The following TCF25 variants were observed in gnomAD, a reference collection of about 807,000 sequenced individuals.
The protein encoded by TCF25 is TCF25 ribosome quality control complex subunit, also known as ribosome quality control complex subunit TCF25.
TCF25 carries 41 observed loss-of-function variants against 83.1 expected under a neutral mutation model. That is an observed-to-expected ratio of 0.49 (90% CI 0.38 to 0.64). The LOEUF is 0.64. Ranked by LOEUF, TCF25 falls within the 30% of genes least tolerant of loss-of-function variation. TCF25 has a pLI of 0.00. For missense variants in TCF25, 979 were observed against 914.5 expected (o/e 1.07, Z -0.91); for synonymous variants, 458 against 365.0 (o/e 1.25, Z -2.90).
At chr16:89,892,351 C>T in intron 6 of TCF25, 76 bp downstream of exon 6, 4 of 1,504,986 alleles carry the variant, frequency 2.7e-6, no homozygotes, top group Non-Finnish European at 2.7e-6. Flanking sequence ...TACAGCAAAC[C>T]AGGTGAGGGT....
At chr16:89,905,601 C>A (rs914109320) in intron 14 of TCF25, among the ~76,000 whole-genome samples, 8 of 152,314 alleles carry the variant, frequency 5.3e-5, no homozygotes, top group East Asian at 3.9e-4. Flanking sequence ...AGTGGTGTGG[C>A]CAGGCTCAGG....
At chr16:89,885,751 T>C in intron 3 of TCF25, 97 bp from the exon 4 acceptor site, 1 of 973,534 alleles carries the variant, frequency 1.0e-6, no homozygotes, top group Non-Finnish European at 1.6e-6. Context: ...GTAAATACAG[T>C]GTAATAGGTC....
chr16:89,905,004 G>A lies in TCF25; in HGVS notation c.1536G>A (p.Glu512=). 1.2e-6 allele frequency: 2 copies of A among 1,606,026 alleles called. No homozygotes were observed. Among genetic ancestry groups the A allele is most frequent in the Non-Finnish European group, 1.7e-6 (2 of 1,176,720 alleles). Reference sequence around the variant, plus strand: ...GGAGGTCACACTTTCTCTGGAAAGAGCCCGCCACCATGAGCTGGCTGGAGG... The same window carrying A: ...GGAGGTCACACTTTCTCTGGAAAGAACCCGCCACCATGAGCTGGCTGGAGG... ...YLGRSHFLWK[E]PATMSWLEEN... The change falls in exon 14 of 18, where the codon GAG becomes GAA. Residue 512 remains glutamate (E), a synonymous_variant. Transcript: ENST00000263346.
chr16:89,902,512 A>G (rs975029895), intron 12 of TCF25, among the ~76,000 whole-genome samples: 2 of 139,716 alleles, frequency 1.4e-5, no homozygotes, highest in African/African-American at 5.2e-5. Context: ...ACACGGTGAA[A>G]CCACGTCTCT....
intron 16 of TCF25, among the ~76,000 whole-genome samples, chr16:89,908,525 C>A (rs2045207567): frequency 7.2e-6 from 1 of 138,516 alleles, no homozygotes; most frequent in Non-Finnish European, 1.6e-5. Flanking sequence ...CTTCCAGCTC[C>A]CACCTCCCAG....
chr16:89,882,435 G>A (rs935096323), intron 1 of TCF25, among the ~76,000 whole-genome samples: 2 of 152,168 alleles, frequency 1.3e-5, no homozygotes, highest in African/African-American at 2.4e-5. Context: ...CTACTTGGGA[G>A]GCTGAGGCAG....
chr16:89,882,589 T>C (rs998091334), intron 1 of TCF25, among the ~76,000 whole-genome samples: 1 of 152,092 alleles, frequency 6.6e-6, no homozygotes, highest in East Asian at 1.9e-4. Context: ...CGTATGTCAT[T>C]TTGTTTTTCT....
chr16:89,880,166 C>T (rs12929899), intron 1 of TCF25, among the ~76,000 whole-genome samples: 4 of 130,582 alleles, frequency 3.1e-5, no homozygotes, highest in Admixed American at 7.2e-5. Context: ...GCGTGCTGTC[C>T]GTGTACACAG....
chr16:89,901,875 T>C lies in TCF25; in HGVS notation c.1381+1081T>C, dbSNP rs368445186. ...GTGAGGGTGAAATCCCTCCTTAAGA[T>C]GGGCCTCCTCCGAGGGGCTGTGAGG... On this transcript the variant is annotated intron_variant, in intron 12 of 17. Coordinates refer to ENST00000263346, the MANE Select transcript of TCF25 (RefSeq NM_014972.3). Among the ~76,000 whole-genome samples, 9 of 16,972 alleles carry C rather than the reference T, an allele frequency of 5.3e-4. 1 individual carries two copies. The highest frequency in any genetic ancestry group is 9.4e-4 in the Admixed American group (2 of 2,122). 11.1% of individuals were successfully genotyped at this position (16,972 alleles called of 152,430 possible). A position where few individuals can be genotyped will look rare whatever the true frequency, so the allele number is the denominator to read the frequency against.
At chr16:89,906,855 A>T (rs546296150) in intron 15 of TCF25, among the ~76,000 whole-genome samples, 15 of 152,070 alleles carry the variant, frequency 9.9e-5, no homozygotes, top group Non-Finnish European at 1.9e-4. Context: ...GTAGAGTGGC[A>T]GCACGTGGCA....
intron 9 of TCF25, among the ~76,000 whole-genome samples, chr16:89,897,511 C>A (rs1234942240): frequency 6.6e-6 from 1 of 152,266 alleles, no homozygotes; most frequent in East Asian, 1.9e-4. Flanking sequence ...CCGTTCTGCA[C>A]AGATTGTCTG....
intron 11 of TCF25, 72 bp from the exon 12 acceptor site, chr16:89,900,563 G>A: frequency 1.3e-6 from 2 of 1,491,416 alleles, no homozygotes; most frequent in South Asian, 2.7e-5. Flanking sequence ...GGTGATGTCA[G>A]AGCGTCTGCA....
At chr16:89,907,661 A>T (rs1435293705) in intron 16 of TCF25, among the ~76,000 whole-genome samples, 10 of 49,378 alleles carry the variant, frequency 2.0e-4, no homozygotes, top group Non-Finnish European at 1.5e-4. Context: ...CCCAGCTCCC[A>T]GCTCCCTCCT....
At position 89,888,553 on chromosome 16, in the gene TCF25, A is replaced by G. The variant is rs183850723; in HGVS notation, c.614+836A>G. On this transcript the variant is annotated intron_variant, in intron 5 of 17. Transcript: ENST00000263346. ...CGGTGAGCTGAGATCGTGACGTTGC[A>G]CTCCAGCCTGGGCAACGAGAGCGAA... 8.3e-4 allele frequency among the ~76,000 whole-genome samples: 125 copies of G among 150,020 alleles called. 2 individuals are homozygous for G. The East Asian group carries it at 0.017, about 20-fold the overall frequency.
At chr16:89,910,978 G>T in intron 17 of TCF25, 102 bp from the exon 18 acceptor site, 1 of 1,506,334 alleles carries the variant, frequency 6.6e-7, no homozygotes, top group African/African-American at 1.4e-5. Context: ...TCCGGTGCTG[G>T]GGCAAGGGCC....
chr16:89,906,152 G>T (rs1183579089), intron 14 of TCF25, 42 bp from the exon 15 acceptor site: 1 of 1,570,124 alleles, frequency 6.4e-7, no homozygotes, highest in Admixed American at 1.7e-5. Flanking sequence ...CATTTCATTT[G>T]CTGTGCTTTA....
At chr16:89,893,469 G>C (rs2043585739) in intron 6 of TCF25, among the ~76,000 whole-genome samples, 2 of 152,376 alleles carry the variant, frequency 1.3e-5, no homozygotes, top group South Asian at 4.1e-4. Flanking sequence ...AGTGGGGCTA[G>C]AGCTGTATCC....
chr16:89,907,296 A>G lies in TCF25; in HGVS notation c.1773A>G (p.Thr591=). The change falls in exon 16 of 18, where the codon ACA becomes ACG. Residue 591 remains threonine, a synonymous_variant. Coordinates refer to ENST00000263346, the MANE Select transcript of TCF25 (RefSeq NM_014972.3). ...MGFDPLPPSD[T]IYSYVRPERL... is the part of the protein sequence containing the mutation. ...TTGATCCTCTGCCTCCTTCGGACACAATCTACTCCTACGTCAGGCCAGAGA... is the reference window on the plus strand; with the variant it reads ...TTGATCCTCTGCCTCCTTCGGACACGATCTACTCCTACGTCAGGCCAGAGA... 1 of 1,597,042 alleles carries G rather than the reference A, an allele frequency of 6.3e-7. No individual in the cohort carries two copies. Among genetic ancestry groups the G allele is most frequent in the African/African-American group, 1.4e-5 (1 of 72,202 alleles).
chr16:89,893,741 G>C lies in TCF25; in HGVS notation c.711G>C (p.Arg237=). 4.3e-6 allele frequency: 7 copies of C among 1,613,894 alleles called. No homozygotes were observed. Among genetic ancestry groups the C allele is most frequent in the Non-Finnish European group, 5.9e-6 (7 of 1,179,974 alleles). Residue 237 remains arginine, a synonymous_variant, in exon 7 of 18, where the codon CGG becomes CGC. Coordinates refer to ENST00000263346, the MANE Select transcript of TCF25 (RefSeq NM_014972.3). Reference sequence around the variant, plus strand: ...CTCCCCTCCCAGGTCTGTCCATGCGGCTGCTGGAATCAAAAAAAGGCCTCT... The same window carrying C: ...CTCCCCTCCCAGGTCTGTCCATGCGCCTGCTGGAATCAAAAAAAGGCCTCT... ...PRYSKPGLSM[R]LLESKKGLSF...
Sources: gnomAD v4.1 joint callset for allele counts (sites outside exome capture counted in the v4.1 genomes callset) on GRCh38, gnomAD v4.1.1 for gene constraint, MANE v1.5 for transcripts, NCBI Gene and HGNC (gene_info 2026-07-23, HGNC 2026-07-21) for gene names.